The following NOTCH1 variants were observed in gnomAD, a reference collection of about 807,000 sequenced individuals.
NOTCH1 encodes neurogenic locus notch homolog protein 1.
NOTCH1 carries 37 observed loss-of-function variants against 254.8 expected under a neutral mutation model. The ratio of observed to expected loss-of-function variants is 0.15; its 90% CI spans 0.11 to 0.19. The LOEUF is 0.19. Ranked by LOEUF, NOTCH1 falls within the 10% of genes least tolerant of loss-of-function variation. NOTCH1 has a pLI of 1.00. For synonymous variants in NOTCH1, 1,731 were observed against 1,618.1 expected, an observed-to-expected ratio of 1.07 and a Z score of -1.68; for missense variants, 2,972 against 3,708.6, an observed-to-expected ratio of 0.80 and a Z score of 5.16.
At chr9:136,534,227 G>C (rs1589078888) in intron 2 of NOTCH1, among the ~76,000 whole-genome samples, 1 of 152,236 alleles carries the variant, frequency 6.6e-6, no homozygotes, top group Admixed American at 6.5e-5. Flanking sequence ...AGGCTGGGGC[G>C]AGACTGGCCT....
At chr9:136,543,878 G>C (rs1843770009) in intron 2 of NOTCH1, 146 bp downstream of exon 2, 1 of 788,842 alleles carries the variant, frequency 1.3e-6, no homozygotes, top group Non-Finnish European at 2.2e-6. Context: ...GCCAGACTTT[G>C]TCCAATAAAA....
intron 18 of NOTCH1, among the ~76,000 whole-genome samples, chr9:136,509,470 G>A (rs1451571308): frequency 6.6e-6 from 1 of 152,238 alleles, no homozygotes; most frequent in Admixed American, 6.5e-5. Context: ...AACGGACAGA[G>A]TTCTCGTTGT....
intron 2 of NOTCH1, among the ~76,000 whole-genome samples, chr9:136,532,450 A>G (rs1843576405): frequency 1.4e-5 from 2 of 144,502 alleles, no homozygotes; most frequent in South Asian, 4.3e-4. Context: ...AATCCCACAC[A>G]GTCTCCCCAG....
rs1004089786 is a variant in NOTCH1 at position 136,545,452 on chromosome 9, G to A, written c.61+274C>T. Among the ~76,000 whole-genome samples the A allele has an allele frequency of 6.6e-6, 1 of 151,636 alleles. No homozygotes were observed. The highest frequency in any genetic ancestry group is 6.6e-5 in the Admixed American group (1 of 15,266). On this transcript the variant is annotated intron_variant, in intron 1 of 33. Transcript: ENST00000651671. The surrounding 1 kb of genome is among the most constrained non-coding windows in gnomAD (Gnocchi z 6.8). ...GCGGCGGGTGAAGGGCGGGCCCGGAGTAGGGCCTCCGGGGCCCCAGCACCC... is the reference window on the plus strand; with the variant it reads ...GCGGCGGGTGAAGGGCGGGCCCGGAATAGGGCCTCCGGGGCCCCAGCACCC...
chr9:136,519,396 G>C (rs1843330655), intron 5 of NOTCH1, 47 bp downstream of exon 5: 1 of 1,609,008 alleles, frequency 6.2e-7, no homozygotes, highest in Non-Finnish European at 8.5e-7. Context: ...TAAGTGGGTA[G>C]CAGCCCCGCC....
intron 1 of NOTCH1, among the ~76,000 whole-genome samples, chr9:136,544,558 C>CG (rs1025035876): frequency 6.6e-5 from 10 of 151,618 alleles, no homozygotes; most frequent in African/African-American, 2.2e-4. Flanking sequence ...CAGAGCTGGA[C>CG]GGGGGGAGGG....
chr9:136,538,489 C>T (rs528482714), intron 2 of NOTCH1, among the ~76,000 whole-genome samples: 4 of 152,354 alleles, frequency 2.6e-5, no homozygotes, highest in Admixed American at 2.6e-4. Flanking sequence ...CACAGCCCCT[C>T]GGAGCTCCGG....
rs755746883 is a variant in NOTCH1 at position 136,503,302 on chromosome 9, G to T, written c.5047C>A (p.Arg1683=). 1 of 1,612,856 alleles carries T rather than the reference G, an allele frequency of 6.2e-7. No individual in the cohort carries two copies. ...TGCGAGGAGGCCTGCACACACTGCC[G>T]GTTGTCAATCTCCAGGTAGACGATG... The part of the protein sequence containing the change: ...GSIVYLEIDN[R]QCVQASSQCF... Residue 1683 remains arginine (R), a synonymous_variant, in exon 27 of 34, where the codon CGG becomes AGG. Coordinates refer to ENST00000651671, the MANE Select transcript of NOTCH1 (RefSeq NM_017617.5).
At position 136,496,938 on chromosome 9, in the gene NOTCH1, C is replaced by T. The variant is rs1433917095; in HGVS notation, c.6801G>A (p.Glu2267=). The T allele has an allele frequency of 3.7e-6, 6 of 1,611,918 alleles. No homozygotes were observed. The South Asian group carries it at 4.4e-5, about 12-fold the overall frequency. ...GGTGGGAGAGACGAGGTGGGCCAGT[C>T]TCAAAGGCCAGCCGGCCGCCCCCAC... ...ALGGGGRLAF[E]TGPPRLSHLP... The change falls in exon 34 of 34, where the codon GAG becomes GAA. Residue 2267 remains glutamate (E), a synonymous_variant. Coordinates refer to ENST00000651671, the MANE Select transcript of NOTCH1 (RefSeq NM_017617.5).
rs558813022 is a variant in NOTCH1 at position 136,511,406 on chromosome 9, C to T, written c.2468-135G>A. On this transcript the variant is annotated intron_variant, in intron 15 of 33. Transcript: ENST00000651671. ...CCGGGAGGCAAATGTGCACCGAGAC[C>T]CCTGAGCGCTCCCGGCTGTGCCAGG... 4 of 1,150,880 alleles carry T rather than the reference C, an allele frequency of 3.5e-6. No individual in the cohort carries two copies. In the African/African-American group the frequency reaches 6.2e-5, roughly 18 times the overall value. 71.3% of individuals were successfully genotyped at this position (1,150,880 alleles called of 1,614,324 possible). A position where few individuals can be genotyped will look rare whatever the true frequency, so the allele number is the denominator to read the frequency against.
chr9:136,526,356 G>A (rs2133383132), intron 2 of NOTCH1, among the ~76,000 whole-genome samples: 1 of 152,328 alleles, frequency 6.6e-6, no homozygotes, highest in East Asian at 1.9e-4. Flanking sequence ...TGCTTTCCCA[G>A]CCGCTGAAGT....
At chr9:136,505,947 C>A in intron 24 of NOTCH1, 66 bp from the exon 25 acceptor site, 2 of 1,438,436 alleles carry the variant, frequency 1.4e-6, no homozygotes, top group Admixed American at 4.4e-5. Context: ...CCACCTCACA[C>A]CCAGCCCTCG....
chr9:136,528,953 C>T (rs1173883340), intron 2 of NOTCH1, among the ~76,000 whole-genome samples: 1 of 152,160 alleles, frequency 6.6e-6, no homozygotes, highest in East Asian at 1.9e-4. Context: ...CCTGGGACCC[C>T]TCCCTCACCA....
chr9:136,519,684 C>A (rs1843336492), intron 4 of NOTCH1, 119 bp from the exon 5 acceptor site: 1 of 1,501,092 alleles, frequency 6.7e-7, no homozygotes, highest in African/African-American at 1.4e-5. Context: ...CCCTGGGGCC[C>A]CCGGGGTCTG....
chr9:136,504,574 T>C (rs1843046640), intron 26 of NOTCH1, 99 bp downstream of exon 26: 8 of 1,253,628 alleles, frequency 6.4e-6, no homozygotes, highest in Non-Finnish European at 8.6e-6. Context: ...GTGGGGAGAG[T>C]ACTGCTTGCC....
In NOTCH1 at chr9:136,514,695, C is replaced by T. The variant is rs2133361284; in HGVS notation, c.2022G>A (p.Met674Ile). The change falls in exon 13 of 34, where the codon ATG (methionine) becomes ATA (isoleucine). Residue 674 changes from methionine to isoleucine, a missense_variant. This residue lies in a region of NOTCH1 where 1,343 missense variants were observed against 1,557.0 expected (regional missense o/e 0.86). Transcript: ENST00000651671. Reference protein sequence around the residue: ...CACEPGYTGSMCNINIDECAG... With the variant: ...CACEPGYTGSICNINIDECAG... ...CACACTCATCGATGTTGATGTTACA[C>T]ATGCTCCCTAAGGGCAGGGCGGGTC... 6.2e-7 allele frequency: 1 copy of T among 1,612,330 alleles called. No individual in the cohort carries two copies. Among genetic ancestry groups the T allele is most frequent in the Non-Finnish European group, 8.5e-7 (1 of 1,179,786 alleles).
chr9:136,508,300 G>A lies in NOTCH1; in HGVS notation c.3257C>T (p.Pro1086Leu), dbSNP rs1843122298. 1.9e-6 allele frequency: 3 copies of A among 1,612,960 alleles called. No individual in the cohort carries two copies. The highest frequency in any genetic ancestry group is 2.5e-6 in the Non-Finnish European group (3 of 1,180,010). The part of the protein sequence containing the change: ...QTHTQYRCEC[P>L]SGWTGLYCDV... ...GCAGTAAAGGCCGGTCCAGCCGCTG[G>A]GGCACTCGCAGCGGTACTGGGTGTG... The change falls in exon 20 of 34, where the codon CCC becomes CTC. Residue 1086 changes from proline (P) to leucine (L), a missense_variant. Physicochemically the swap from Pro to Leu is moderately conservative, Grantham distance 98. Around this residue, in one of 8 missense-constraint regions of NOTCH1, gnomAD observed 1,343 missense variants for 1,557.0 expected, o/e 0.86. Coordinates refer to ENST00000651671, the MANE Select transcript of NOTCH1 (RefSeq NM_017617.5).
At chr9:136,531,294 G>A (rs886132414) in intron 2 of NOTCH1, among the ~76,000 whole-genome samples, 1 of 152,248 alleles carries the variant, frequency 6.6e-6, no homozygotes, top group African/African-American at 2.4e-5. Context: ...AAACGGGGCA[G>A]CTATGCCCAG....
At chr9:136,524,246 C>A (rs986442607) in intron 2 of NOTCH1, among the ~76,000 whole-genome samples, 1 of 152,196 alleles carries the variant, frequency 6.6e-6, no homozygotes. Flanking sequence ...GCAGAGGTTG[C>A]AGTGAGCCGA....
Sources: gnomAD v4.1 joint callset for allele counts (sites outside exome capture counted in the v4.1 genomes callset) on GRCh38, gnomAD v4.1.1 for gene constraint, gnomAD v4.1.1 regional missense constraint, Gnocchi (gnomAD v3.1) non-coding constraint, MANE v1.5 for transcripts, NCBI Gene and HGNC (gene_info 2026-07-23, HGNC 2026-07-21) for gene names.